Variants in USP43 observed in about 807,000 individuals in gnomAD.
The protein encoded by USP43 is ubiquitin specific peptidase 43.
Under a neutral mutation model 90.7 loss-of-function variants are expected in USP43, and 33 were observed. The ratio of observed to expected loss-of-function variants is 0.36; its 90% CI spans 0.28 to 0.49. USP43 has a LOEUF of 0.49. Among genes scored for constraint, USP43 ranks in the 20% least tolerant of loss-of-function variants. The pLI, the probability that USP43 is intolerant of heterozygous loss-of-function variation, is 0.98. For synonymous variants in USP43, 598 were observed against 615.8 expected, an observed-to-expected ratio of 0.97 and a Z score of 0.43; for missense variants, 1,274 against 1,476.4, an observed-to-expected ratio of 0.86 and a Z score of 2.25.
rs1268427876 is a variant in USP43 at position 9,686,299 on chromosome 17, G to A, written c.1242-499G>A. 1.3e-5 allele frequency among the ~76,000 whole-genome samples: 2 copies of A among 152,136 alleles called. No homozygotes were observed. The highest frequency in any genetic ancestry group is 4.1e-4 in the South Asian group (2 of 4,828). On this transcript the variant is annotated intron_variant, in intron 7 of 14. Transcript: ENST00000285199. The surrounding 1 kb of genome is among the most constrained non-coding windows in gnomAD (Gnocchi z 5.5). ...AACACAGGAGTGCAGAGATCTCTTT[G>A]ACATGATGATCTTTCCTTTGGATAA... is the stretch of plus-strand genomic sequence containing the variant.
Position 9,709,907 on chromosome 17 carries a change from T to C in USP43, c.2012-49T>C. On this transcript the variant is annotated intron_variant, in intron 12 of 14. Transcript: ENST00000285199. This position sits in a 1 kb window ranked among gnomAD's most constrained non-coding sequence, Gnocchi z 5.0. ...GCTATGCCAGTGGGAAATGTCTTCC[T>C]ACCTTTTGGGGCTCCAATAACTCAG... The C allele has an allele frequency of 7.3e-7, 1 of 1,375,530 alleles. No individual in the cohort carries two copies. The allele number at this position is 1,375,530 out of a possible 1,614,324, so 85.2% of individuals were successfully genotyped here. A position where few individuals can be genotyped will look rare whatever the true frequency, so the allele number is the denominator to read the frequency against.
At chr17:9,648,841 C>G (rs1489547338) in intron 1 of USP43, among the ~76,000 whole-genome samples, 4 of 151,962 alleles carry the variant, frequency 2.6e-5, no homozygotes, top group African/African-American at 4.8e-5. Flanking sequence ...CTTTTCCTTT[C>G]TCTTTCTGTT....
At chr17:9,705,690 A>C (rs942810346) in intron 12 of USP43, among the ~76,000 whole-genome samples, 1 of 149,624 alleles carries the variant, frequency 6.7e-6, no homozygotes. Context: ...AGAGGTGGAG[A>C]TTGCAGTGAG....
intron 12 of USP43, among the ~76,000 whole-genome samples, chr17:9,708,305 T>C (rs1195590321): frequency 6.6e-6 from 1 of 152,086 alleles, no homozygotes; most frequent in Non-Finnish European, 1.5e-5. Flanking sequence ...AGTGAAGACA[T>C]AATCTAGTGT....
At chr17:9,683,002 G>C in intron 7 of USP43, 44 bp downstream of exon 7, 1 of 1,601,994 alleles carries the variant, frequency 6.2e-7, no homozygotes, top group Non-Finnish European at 8.5e-7. Context: ...TCTGGGATTT[G>C]TAGACCTGTA....
chr17:9,676,912 T>C (rs764893189), intron 5 of USP43, 31 bp downstream of exon 5: 2 of 1,605,656 alleles, frequency 1.2e-6, no homozygotes, highest in Non-Finnish European at 1.7e-6. Context: ...GGCCTGGTCA[T>C]TGGATGATAG....
chr17:9,727,464 C>T (rs1054903807), intron 14 of USP43, among the ~76,000 whole-genome samples: 1 of 151,962 alleles, frequency 6.6e-6, no homozygotes, highest in African/African-American at 2.4e-5. Flanking sequence ...TAGGTTGGTG[C>T]AAAAGTAATT....
rs1184228560 is a variant in USP43, at chr17:9,728,460, G to A, written c.2842G>A (p.Glu948Lys). Reference protein sequence around the residue: ...SVEHEKPARPEGQKAMNWKES... With the variant: ...SVEHEKPARPKGQKAMNWKES... ...GGAGCATGAGAAACCAGCTCGACCG[G>A]AGGGCCAGAAGGCCATGAACTGGAA... Residue 948 changes from glutamate to lysine, a missense_variant, in exon 15 of 15, where the codon GAG becomes AAG. Glu to Lys is a moderately conservative substitution (Grantham distance 56). Around this residue, in one of 6 missense-constraint regions of USP43, gnomAD observed 353 missense variants for 329.7 expected, o/e 1.07. Coordinates refer to ENST00000285199, the MANE Select transcript of USP43 (RefSeq NM_153210.5). This position sits in a 1 kb window ranked among gnomAD's most constrained non-coding sequence, Gnocchi z 6.2. 5.0e-6 allele frequency: 8 copies of A among 1,613,222 alleles called. No homozygotes were observed. The highest frequency in any genetic ancestry group is 1.3e-5 in the African/African-American group (1 of 74,898).
At position 9,645,756 on chromosome 17, in the gene USP43, G is replaced by A. The variant is rs767001982; in HGVS notation, c.124G>A (p.Gly42Arg). ...LLALGSRSRP[G>R]DSPPRPQPGH... ...GGCGCTGGGCAGCCGCTCACGCCCC[G>A]GGGACTCACCGCCCCGGCCCCAGCC... is the stretch of plus-strand genomic sequence containing the variant. The change falls in exon 1 of 15, where the codon GGG becomes AGG. Residue 42 changes from glycine (G) to arginine (R), a missense_variant. Physicochemically the swap from Gly to Arg is moderately radical, Grantham distance 125. Around this residue, in one of 6 missense-constraint regions of USP43, gnomAD observed 112 missense variants for 106.6 expected, o/e 1.05. Coordinates refer to ENST00000285199, the MANE Select transcript of USP43 (RefSeq NM_153210.5). This position sits in a 1 kb window ranked among gnomAD's most constrained non-coding sequence, Gnocchi z 6.8. The A allele has an allele frequency of 2.1e-6, 3 of 1,396,628 alleles. No homozygotes were observed. Among genetic ancestry groups the A allele is most frequent in the East Asian group, 3.1e-5 (1 of 32,474 alleles). 86.5% of individuals were successfully genotyped at this position (1,396,628 alleles called of 1,614,324 possible).
At chr17:9,718,221 G>A (rs536597905) in intron 14 of USP43, among the ~76,000 whole-genome samples, 2 of 152,094 alleles carry the variant, frequency 1.3e-5, no homozygotes, top group African/African-American at 2.4e-5. Flanking sequence ...ATTAGTCTAC[G>A]GGAAAATTGG....
At position 9,701,845 on chromosome 17, in the gene USP43, A is replaced by T. The variant is rs1367970266; in HGVS notation, c.2011+145A>T. Reference sequence around the variant, plus strand: ...CCCACCGCACACCAGGAAGATGAGGATGAGGAAAACAAAGATGAATAAGCC... The same window carrying T: ...CCCACCGCACACCAGGAAGATGAGGTTGAGGAAAACAAAGATGAATAAGCC... On this transcript the variant is annotated intron_variant, in intron 12 of 14. Transcript: ENST00000285199. The surrounding 1 kb of genome is among the most constrained non-coding windows in gnomAD (Gnocchi z 7.2). 1 of 721,432 alleles carries T rather than the reference A, an allele frequency of 1.4e-6. No individual in the cohort carries two copies. 44.7% of individuals were successfully genotyped at this position (721,432 alleles called of 1,614,324 possible). A position where few individuals can be genotyped will look rare whatever the true frequency, so the allele number is the denominator to read the frequency against.
chr17:9,728,552 C>G lies in USP43; in HGVS notation c.2934C>G (p.Ser978Arg). ...CCTATATGGGATTCTCTGGAAACAGCAAAGACAGTCGCCGAGGCACCTCTG... is the reference window on the plus strand; with the variant it reads ...CCTATATGGGATTCTCTGGAAACAGGAAAGACAGTCGCCGAGGCACCTCTG... ...PSPYMGFSGN[S>R]KDSRRGTSEL... Residue 978 changes from serine to arginine, a missense_variant, in exon 15 of 15, where the codon AGC becomes AGG. Physicochemically the swap from Ser to Arg is moderately radical, Grantham distance 110. Coordinates refer to ENST00000285199, the MANE Select transcript of USP43 (RefSeq NM_153210.5). The surrounding 1 kb of genome is among the most constrained non-coding windows in gnomAD (Gnocchi z 6.2). 6.2e-7 allele frequency: 1 copy of G among 1,613,974 alleles called. No individual in the cohort carries two copies. The highest frequency in any genetic ancestry group is 1.1e-5 in the South Asian group (1 of 91,080).
intron 14 of USP43, among the ~76,000 whole-genome samples, chr17:9,716,106 G>C (rs1292420621): frequency 7.0e-6 from 1 of 142,258 alleles, no homozygotes; most frequent in Non-Finnish European, 1.5e-5. Context: ...GTGTGTGTTT[G>C]TGTGTCTTTG....
intron 6 of USP43, 110 bp from the exon 7 acceptor site, chr17:9,682,713 T>TTA: frequency 5.0e-6 from 7 of 1,393,562 alleles, no homozygotes; most frequent in Non-Finnish European, 6.7e-6. Flanking sequence ...GGCCCCCCAT[T>TTA]GGTGGTTAAT....
intron 1 of USP43, among the ~76,000 whole-genome samples, chr17:9,655,580 G>A (rs1396422011): frequency 6.6e-6 from 1 of 152,228 alleles, no homozygotes; most frequent in Non-Finnish European, 1.5e-5. Context: ...TTTAACAGAA[G>A]GACAGCGCAA....
chr17:9,668,654 T>C lies in USP43; in HGVS notation c.740+1903T>C, dbSNP rs192002706. On this transcript the variant is annotated intron_variant, in intron 3 of 14. Coordinates refer to ENST00000285199, the MANE Select transcript of USP43 (RefSeq NM_153210.5). ...CCTGCTTGCTTGAGGTTGTTTAGTA[T>C]ACAGGGTAAAGAGGATCTCACCTCT... 2.0e-5 allele frequency among the ~76,000 whole-genome samples: 3 copies of C among 152,294 alleles called. No homozygotes were observed. The East Asian group carries it at 5.8e-4, about 29-fold the overall frequency.
chr17:9,700,083 C>CT, intron 9 of USP43, 89 bp from the exon 10 acceptor site: 1 of 1,268,970 alleles, frequency 7.9e-7, no homozygotes, highest in Non-Finnish European at 1.1e-6. Context: ...AACATCAGTC[C>CT]TTGGGTTGTG....
At chr17:9,699,281 C>T (rs1915435537) in intron 9 of USP43, among the ~76,000 whole-genome samples, 1 of 152,064 alleles carries the variant, frequency 6.6e-6, no homozygotes, top group African/African-American at 2.4e-5. Context: ...AGGGAGCAAT[C>T]AGTGTTTTTC....
chr17:9,705,444 ATTCTTTT>A (rs1915814452), intron 12 of USP43, among the ~76,000 whole-genome samples: 1 of 152,138 alleles, frequency 6.6e-6, no homozygotes, highest in African/African-American at 2.4e-5. Flanking sequence ...GGACTGACTC[ATTCTTTT>A]ACTATTACAA....
Sources: gnomAD v4.1 joint callset for allele counts (sites outside exome capture counted in the v4.1 genomes callset) on GRCh38, gnomAD v4.1.1 for gene constraint, gnomAD v4.1.1 regional missense constraint, Gnocchi (gnomAD v3.1) non-coding constraint, MANE v1.5 for transcripts, NCBI Gene and HGNC (gene_info 2026-07-23, HGNC 2026-07-21) for gene names.